Variants in HECW2 observed in about 807,000 individuals in gnomAD.
HECW2 encodes the protein HECT, C2 and WW domain containing E3 ubiquitin protein ligase 2, also known as E3 ubiquitin-protein ligase HECW2.
In HECW2, 61 loss-of-function variants were observed where a neutral mutation model predicts 175.2. The ratio of observed to expected loss-of-function variants is 0.35; its 90% confidence interval spans 0.28 to 0.43. HECW2 has a LOEUF of 0.43. HECW2 is among the 20% of genes least tolerant of loss of function. HECW2 has a pLI of 1.00. For synonymous variants in HECW2, 671 were observed against 731.0 expected, an observed-to-expected ratio of 0.92 and a Z score of 1.32; for missense variants, 1,524 against 2,000.5, an observed-to-expected ratio of 0.76 and a Z score of 4.54.
At chr2:196,579,486 T>C (rs923135389) in intron 1 of HECW2, among the ~76,000 whole-genome samples, 4 of 152,180 alleles carry the variant, frequency 2.6e-5, no homozygotes, top group Non-Finnish European at 5.9e-5. Context: ...CAGAAAATAC[T>C]TTTTAAGTGA....
At chr2:196,478,100 A>G (rs1488867169) in intron 1 of HECW2, among the ~76,000 whole-genome samples, 2 of 152,146 alleles carry the variant, frequency 1.3e-5, no homozygotes, top group African/African-American at 4.8e-5. Flanking sequence ...AACAAAAAAA[A>G]ACTCACAGAG....
chr2:196,579,087 G>A (rs1248389084), intron 1 of HECW2, among the ~76,000 whole-genome samples: 1 of 151,866 alleles, frequency 6.6e-6, no homozygotes, highest in Non-Finnish European at 1.5e-5. Context: ...TGAAGTATTG[G>A]AGTGAAGTTT....
intron 1 of HECW2, among the ~76,000 whole-genome samples, chr2:196,582,066 G>A (rs1015637414): frequency 5.8e-5 from 8 of 138,842 alleles, no homozygotes; most frequent in South Asian, 4.2e-4. Context: ...ACTCCATCTC[G>A]AAAAATAATA....
Position 196,466,995 on chromosome 2 carries a change from A to G in HECW2, c.-35-33537T>C, listed in dbSNP as rs1696979463. On this transcript the variant is annotated intron_variant, in intron 1 of 28. Transcript: ENST00000644978. ...TCAGACTTGCTAGACTAGAATGCAT[A>G]CTAGTACCAAGCCTGCTGCCATGTC... Among the ~76,000 whole-genome samples the G allele has an allele frequency of 2.6e-5, 4 of 152,202 alleles. 1 individual carries two copies. The South Asian group carries it at 8.3e-4, about 31-fold the overall frequency.
chr2:196,487,338 G>A (rs936241035), intron 1 of HECW2, among the ~76,000 whole-genome samples: 4 of 152,002 alleles, frequency 2.6e-5, no homozygotes, highest in Admixed American at 2.0e-4. Context: ...AAAATAACAA[G>A]GACTTAAATA....
chr2:196,568,320 A>T (rs1024409518), intron 1 of HECW2, among the ~76,000 whole-genome samples: 30 of 152,348 alleles, frequency 2.0e-4, no homozygotes, highest in African/African-American at 7.2e-4. Context: ...CAGCCAACTT[A>T]AAAACTCAAA....
chr2:196,410,234 C>A (rs139306156), intron 2 of HECW2, among the ~76,000 whole-genome samples: 30 of 152,238 alleles, frequency 2.0e-4, no homozygotes, highest in Admixed American at 1.2e-3. Context: ...CATGGTCATG[C>A]GCTTTGAAAG....
rs573345737 is a variant in HECW2 at position 196,389,226 on chromosome 2, C to A, written c.292+43906G>T. On this transcript the variant is annotated intron_variant, in intron 2 of 28. Coordinates refer to ENST00000644978, the MANE Select transcript of HECW2 (RefSeq NM_001348768.2). ...ACCATTAATTAAAGAATATTTAGCA[C>A]ATGAAATTAACTGTCATGTTGCAAA... Among the ~76,000 whole-genome samples, 5 of 152,304 alleles carry A rather than the reference C, an allele frequency of 3.3e-5. No individual in the cohort carries two copies. The South Asian group carries it at 1.0e-3, about 32-fold the overall frequency.
At chr2:196,263,796 C>A (rs1269430951) in intron 17 of HECW2, 1 of 152,188 alleles carries the variant, frequency 6.6e-6, no homozygotes, top group Non-Finnish European at 1.5e-5. Flanking sequence ...ATGCTAAGAA[C>A]TTAGTTACTT....
At chr2:196,222,896 G>C (rs1687719893) in intron 23 of HECW2, among the ~76,000 whole-genome samples, 1 of 151,604 alleles carries the variant, frequency 6.6e-6, no homozygotes, top group Non-Finnish European at 1.5e-5. Context: ...TCTGAAAATA[G>C]TAAGCCACAG....
chr2:196,258,274 C>T (rs917966180), intron 17 of HECW2, among the ~76,000 whole-genome samples: 2 of 152,144 alleles, frequency 1.3e-5, no homozygotes, highest in African/African-American at 4.8e-5. Flanking sequence ...CGCTGATGCC[C>T]TGCTGTTCCA....
At chr2:196,439,500 G>A (rs1695978315) in intron 1 of HECW2, among the ~76,000 whole-genome samples, 1 of 152,132 alleles carries the variant, frequency 6.6e-6, no homozygotes, top group African/African-American at 2.4e-5. Context: ...CAGGCCTTGA[G>A]TTACAGCTTA....
At chr2:196,322,395 A>G (rs577731406) in intron 7 of HECW2, 83 bp downstream of exon 7, 1 of 1,113,374 alleles carries the variant, frequency 9.0e-7, no homozygotes, top group East Asian at 2.4e-5. Context: ...CAGTATGAAA[A>G]GTCCTAGGAC....
intron 1 of HECW2, among the ~76,000 whole-genome samples, chr2:196,575,020 AC>A (rs1187992333): frequency 6.9e-6 from 1 of 145,796 alleles, no homozygotes; most frequent in Non-Finnish European, 1.5e-5. Context: ...GTTCAAGCTT[AC>A]GGTGAGCTAT....
intron 13 of HECW2, among the ~76,000 whole-genome samples, chr2:196,299,854 A>T (rs1446266496): frequency 7.2e-5 from 11 of 151,864 alleles, no homozygotes; most frequent in Non-Finnish European, 1.0e-4. Flanking sequence ...GCGTGAACCC[A>T]GGAGGTGGAG....
chr2:196,263,826 A>G (rs1370028160), intron 17 of HECW2: 1 of 152,220 alleles, frequency 6.6e-6, no homozygotes, highest in East Asian at 1.9e-4. Flanking sequence ...TCCTCATGTT[A>G]ATATAAACAT....
intron 1 of HECW2, among the ~76,000 whole-genome samples, chr2:196,514,578 C>T (rs777699082): frequency 2.0e-5 from 3 of 152,102 alleles, no homozygotes; most frequent in Non-Finnish European, 4.4e-5. Context: ...TTTCCCGGCA[C>T]GCCCATGGCT....
At chr2:196,248,280 T>C (rs894320344) in intron 19 of HECW2, among the ~76,000 whole-genome samples, 1 of 152,188 alleles carries the variant, frequency 6.6e-6, no homozygotes, top group Non-Finnish European at 1.5e-5. Context: ...GTAAAGGGTC[T>C]GCCAATAGCA....
chr2:196,472,265 C>T (rs1323329878), intron 1 of HECW2, among the ~76,000 whole-genome samples: 1 of 151,972 alleles, frequency 6.6e-6, no homozygotes, highest in South Asian at 2.1e-4. Context: ...AGGAGGATCA[C>T]TTGAGGTCAG....
Sources: gnomAD v4.1 joint callset for allele counts (sites outside exome capture counted in the v4.1 genomes callset) on GRCh38, gnomAD v4.1.1 for gene constraint, MANE v1.5 for transcripts, NCBI Gene and HGNC (gene_info 2026-07-23, HGNC 2026-07-21) for gene names.